TLE1: variants seen among roughly 807,000 people sequenced by gnomAD.
The protein encoded by TLE1 is transducin-like enhancer protein 1.
A neutral mutation model predicts 89.8 loss-of-function variants in TLE1; 21 were observed. The observed-to-expected ratio is 0.23, with a 90% confidence interval of 0.17 to 0.34. The LOEUF is 0.34. Ranked by LOEUF, TLE1 falls within the 10% of genes least tolerant of loss-of-function variation. The pLI, the probability that TLE1 is intolerant of heterozygous loss-of-function variation, is 1.00. For missense variants in TLE1, 795 were observed against 1,031.2 expected, an observed-to-expected ratio of 0.77 and a Z score of 3.14; for synonymous variants, 447 against 407.6, an observed-to-expected ratio of 1.10 and a Z score of -1.16.
At chr9:81,641,445 C>A (rs1049574221) in intron 6 of TLE1, among the ~76,000 whole-genome samples, 10 of 152,206 alleles carry the variant, frequency 6.6e-5, no homozygotes, top group Non-Finnish European at 1.0e-4. Flanking sequence ...ACTAAAATAA[C>A]AATCCACTAA....
intron 14 of TLE1, among the ~76,000 whole-genome samples, chr9:81,596,810 T>G (rs1386419461): frequency 1.3e-5 from 2 of 152,224 alleles, no homozygotes; most frequent in South Asian, 4.1e-4. Flanking sequence ...TGGGCAATGA[T>G]CCTGCTCTGT....
At chr9:81,631,526 G>T (rs144490089) in intron 8 of TLE1, among the ~76,000 whole-genome samples, 3 of 152,114 alleles carry the variant, frequency 2.0e-5, no homozygotes, top group Admixed American at 6.5e-5. Flanking sequence ...ACTCCTCCTC[G>T]ATTCTCTGGG....
Position 81,634,049 on chromosome 9 carries a change from G to C in TLE1, c.577+48C>G, listed in dbSNP as rs912598431. 3.2e-6 allele frequency: 5 copies of C among 1,561,520 alleles called. No individual in the cohort carries two copies. The South Asian group carries it at 4.8e-5, about 15-fold the overall frequency. On this transcript the variant is annotated intron_variant, in intron 7 of 19. Coordinates refer to ENST00000376499, the MANE Select transcript of TLE1 (RefSeq NM_005077.5). ...GCGATGCACACAACTTTGCAGCACT[G>C]TAAGAGTATGAGGACAAAGTCCTAA...
intron 8 of TLE1, among the ~76,000 whole-genome samples, chr9:81,629,896 C>T (rs1826357560): frequency 6.6e-6 from 1 of 152,180 alleles, no homozygotes; most frequent in Non-Finnish European, 1.5e-5. Flanking sequence ...GATTACACTT[C>T]TATTTCCTAG....
intron 5 of TLE1, among the ~76,000 whole-genome samples, chr9:81,653,252 C>G (rs1414027258): frequency 6.6e-6 from 1 of 152,184 alleles, no homozygotes; most frequent in Non-Finnish European, 1.5e-5. Context: ...ATTCCAACTC[C>G]TAGTCCAATA....
chr9:81,615,106 AAAAAAAAAAAAAAAAG>A (rs1824272506), intron 11 of TLE1, among the ~76,000 whole-genome samples: 5 of 134,388 alleles, frequency 3.7e-5, no homozygotes, highest in African/African-American at 9.6e-5. Flanking sequence ...AAAAAAAAAA[AAAAAAAAAAAAAAAAG>A]AAGAAGAAGA....
Position 81,634,174 on chromosome 9 carries a change from A to T in TLE1, c.500T>A (p.Leu167Gln). The T allele has an allele frequency of 6.3e-7, 1 of 1,598,610 alleles. No homozygotes were observed. Among genetic ancestry groups the T allele is most frequent in the Non-Finnish European group, 8.5e-7 (1 of 1,171,168 alleles). The change falls in exon 7 of 20, where the codon CTG becomes CAG. Residue 167 changes from leucine (L) to glutamine (Q), a missense_variant. By Grantham distance (113) the Leu-to-Gln change is moderately radical (BLOSUM62 -2). Transcript: ENST00000376499. ...PLGGSAGLLA[L>Q]SSALSGQSHL... is the part of the protein sequence containing the mutation. ...AGACTGCCCACTCAGAGCACTAGACAGCGCAAGAAGGCCGGCACTGCCCCC... is the reference window on the plus strand; with the variant it reads ...AGACTGCCCACTCAGAGCACTAGACTGCGCAAGAAGGCCGGCACTGCCCCC...
At position 81,662,361 on chromosome 9, in the gene TLE1, T is replaced by TTGTGTGTGTGTGTGTG. The variant is rs371936084; in HGVS notation, c.235-8341_235-8326dup. Among the ~76,000 whole-genome samples, 690 of 138,446 alleles carry TTGTGTGTGTGTGTGTG rather than the reference T, an allele frequency of 5.0e-3. 6 individuals are homozygous for TTGTGTGTGTGTGTGTG. Among genetic ancestry groups the TTGTGTGTGTGTGTGTG allele is most frequent in the African/African-American group, 5.6e-3 (204 of 36,262 alleles). The allele number at this position is 138,446 out of a possible 152,430, so 90.8% of individuals were successfully genotyped here. ...CGGTGTTAGTATTAGTGTGCCTGTT[T>TTGTGTGTGTGTGTGTG]TGTGTGTGTGTGTGTGTGTGTGTGT... On this transcript the variant is annotated intron_variant, in intron 4 of 19. Transcript: ENST00000376499.
At chr9:81,631,180 G>GT (rs1361583648) in intron 8 of TLE1, among the ~76,000 whole-genome samples, 1 of 152,190 alleles carries the variant, frequency 6.6e-6, no homozygotes, top group Non-Finnish European at 1.5e-5. Flanking sequence ...ACAGTTGCCT[G>GT]TAACTCAAGA....
rs1829551474 is a variant in TLE1, at chr9:81,591,814, T to C, written c.1582-762A>G. On this transcript the variant is annotated intron_variant, in intron 15 of 19. Transcript: ENST00000376499. ...TGAATGAAGACATTTTGAAGTTATTTGGTTTTTTTAAAAAATGCACTAATA... is the reference window on the plus strand; with the variant it reads ...TGAATGAAGACATTTTGAAGTTATTCGGTTTTTTTAAAAAATGCACTAATA... Among the ~76,000 whole-genome samples the C allele has an allele frequency of 2.0e-5, 3 of 152,206 alleles. No homozygotes were observed. The South Asian group carries it at 6.2e-4, about 32-fold the overall frequency.
At chr9:81,626,719 G>T (rs538483336) in intron 8 of TLE1, among the ~76,000 whole-genome samples, 1 of 152,252 alleles carries the variant, frequency 6.6e-6, no homozygotes, top group African/African-American at 2.4e-5. Context: ...AGGACTCATG[G>T]AAAGATAGCT....
At chr9:81,616,569 T>C in intron 10 of TLE1, 77 bp downstream of exon 10, 1 of 1,530,802 alleles carries the variant, frequency 6.5e-7, no homozygotes, top group Non-Finnish European at 9.0e-7. Flanking sequence ...CTCTACTTCC[T>C]TCATTCACTG....
At chr9:81,637,471 C>A (rs1327807987) in intron 6 of TLE1, among the ~76,000 whole-genome samples, 1 of 152,042 alleles carries the variant, frequency 6.6e-6, no homozygotes, top group Admixed American at 6.6e-5. Context: ...GTGGTTAAAC[C>A]CAACAGTTTG....
chr9:81,669,556 G>A (rs539726307), intron 4 of TLE1, among the ~76,000 whole-genome samples: 124 of 152,244 alleles, frequency 8.1e-4, no homozygotes, highest in African/African-American at 2.7e-3. Context: ...GTAGGGGCAT[G>A]TGCCAAAATC....
intron 4 of TLE1, among the ~76,000 whole-genome samples, chr9:81,662,243 A>C (rs981725390): frequency 4.6e-5 from 7 of 152,288 alleles, no homozygotes; most frequent in Non-Finnish European, 1.0e-4. Context: ...TACGCTACAC[A>C]CCAACCCACA....
intron 14 of TLE1, among the ~76,000 whole-genome samples, chr9:81,596,306 T>C (rs1250053739): frequency 6.6e-6 from 1 of 152,096 alleles, no homozygotes; most frequent in Non-Finnish European, 1.5e-5. Flanking sequence ...GGGAAGCCCA[T>C]ATGGATGTTA....
intron 8 of TLE1, chr9:81,620,913 T>G (rs1298988334): frequency 3.7e-6 from 2 of 544,126 alleles, no homozygotes; most frequent in South Asian, 2.8e-5. Context: ...GAATGGCCTA[T>G]GAGCAAATCT....
At chr9:81,654,968 G>T (rs948052745) in intron 4 of TLE1, among the ~76,000 whole-genome samples, 2 of 152,132 alleles carry the variant, frequency 1.3e-5, no homozygotes, top group Admixed American at 1.3e-4. Context: ...GGAAAGTTTC[G>T]CCACAGTTCA....
intron 14 of TLE1, among the ~76,000 whole-genome samples, chr9:81,598,384 C>G (rs2777779): frequency 0.17 from 25,824 of 152,032 alleles, 2,710 homozygotes; most frequent in Non-Finnish European, 0.24. Context: ...CTGCCACGAA[C>G]TCCCCAGCCT....
Sources: gnomAD v4.1 joint callset for allele counts (sites outside exome capture counted in the v4.1 genomes callset) on GRCh38, gnomAD v4.1.1 for gene constraint, MANE v1.5 for transcripts, NCBI Gene and HGNC (gene_info 2026-07-23, HGNC 2026-07-21) for gene names.